EVI5: variants seen among roughly 807,000 people sequenced by gnomAD.
The protein encoded by EVI5 is ecotropic viral integration site 5.
Under a neutral mutation model 112.0 loss-of-function variants are expected in EVI5, and 73 were observed. The ratio of observed to expected loss-of-function variants is 0.65; its 90% CI spans 0.54 to 0.79. EVI5 has a LOEUF of 0.79. Ranked by LOEUF, EVI5 falls within the 30% of genes least tolerant of loss-of-function variation. The pLI is 0.00. For synonymous variants in EVI5, 305 were observed against 319.9 expected, an observed-to-expected ratio of 0.95 and a Z score of 0.50; for missense variants, 900 against 968.8, an observed-to-expected ratio of 0.93 and a Z score of 0.94.
At chr1:92,668,873 A>T (rs1472721900) in intron 10 of EVI5, among the ~76,000 whole-genome samples, 1 of 152,224 alleles carries the variant, frequency 6.6e-6, no homozygotes, top group African/African-American at 2.4e-5. Context: ...AGTAGAGCTA[A>T]TATCCCCTGT....
At chr1:92,574,129 T>C (rs932104474) in intron 18 of EVI5, among the ~76,000 whole-genome samples, 1 of 152,134 alleles carries the variant, frequency 6.6e-6, no homozygotes, top group Non-Finnish European at 1.5e-5. Context: ...ACCTGGATTG[T>C]TTGATAACGA....
chr1:92,551,040 C>CTTT (rs55898086), intron 19 of EVI5, among the ~76,000 whole-genome samples: 40,419 of 80,028 alleles, frequency 0.51, 11,267 homozygotes, highest in South Asian at 0.71. Flanking sequence ...TTCTTTCTTT[C>CTTT]TTTTTTTTTT....
chr1:92,766,933 T>C (rs1194109729), intron 1 of EVI5, among the ~76,000 whole-genome samples: 1 of 151,904 alleles, frequency 6.6e-6, no homozygotes, highest in Non-Finnish European at 1.5e-5. Flanking sequence ...AATACAAAAA[T>C]TAGCTGGGCG....
chr1:92,595,662 T>C (rs926128312), intron 18 of EVI5, among the ~76,000 whole-genome samples: 11 of 152,206 alleles, frequency 7.2e-5, no homozygotes, highest in African/African-American at 1.9e-4. Flanking sequence ...TGAAGGATTC[T>C]TAACTGGTAT....
chr1:92,696,393 C>T (rs1177256218), intron 6 of EVI5, among the ~76,000 whole-genome samples: 2 of 152,036 alleles, frequency 1.3e-5, no homozygotes, highest in Non-Finnish European at 2.9e-5. Context: ...ATAGGAAGAT[C>T]ACTTGAGCTC....
intron 9 of EVI5, among the ~76,000 whole-genome samples, chr1:92,687,138 T>A (rs1668683823): frequency 6.6e-6 from 1 of 152,108 alleles, no homozygotes; most frequent in Non-Finnish European, 1.5e-5. Flanking sequence ...GACTTCAAAC[T>A]ATACTACAAG....
intron 19 of EVI5, among the ~76,000 whole-genome samples, chr1:92,550,746 C>CAA (rs1164076965): frequency 4.4e-4 from 2 of 4,518 alleles, no homozygotes; most frequent in Non-Finnish European, 7.8e-4. Flanking sequence ...GACTCCGTCT[C>CAA]AAAAAAAAAA....
intron 19 of EVI5, among the ~76,000 whole-genome samples, chr1:92,529,768 G>C (rs934653585): frequency 6.6e-6 from 1 of 151,678 alleles, no homozygotes; most frequent in Non-Finnish European, 1.5e-5. Flanking sequence ...GTCTTTTTTT[G>C]TTTTCTAGTA....
chr1:92,607,669 T>C lies in EVI5; in HGVS notation c.1886A>G (p.Glu629Gly). 6.2e-7 allele frequency: 1 copy of C among 1,607,118 alleles called. No individual in the cohort carries two copies. Among genetic ancestry groups the C allele is most frequent in the Non-Finnish European group, 8.5e-7 (1 of 1,176,498 alleles). The change falls in exon 17 of 20, where the codon GAG becomes GGG. Residue 629 changes from glutamate (E) to glycine (G), a missense_variant. Glu to Gly is a moderately conservative substitution (Grantham distance 98). Transcript: ENST00000684568. ...RAEQEVISLQEKVQYLSAQNK... is the reference protein window; with the variant it reads ...RAEQEVISLQGKVQYLSAQNK... Reference sequence around the variant, plus strand: ...CTGTGCAGAAAGATACTGCACTTTCTCCTGTAGGCTAATCACCTCTTGTTC... The same window carrying C: ...CTGTGCAGAAAGATACTGCACTTTCCCCTGTAGGCTAATCACCTCTTGTTC...
chr1:92,514,542 GAGACTCAGGA>G (rs1347071877), intron 19 of EVI5, among the ~76,000 whole-genome samples: 1 of 152,164 alleles, frequency 6.6e-6, no homozygotes, highest in Non-Finnish European at 1.5e-5. Flanking sequence ...TTAGGAAATG[GAGACTCAGGA>G]AGAGTAACTT....
intron 9 of EVI5, among the ~76,000 whole-genome samples, chr1:92,687,370 A>T (rs533101983): frequency 5.3e-5 from 8 of 152,200 alleles, no homozygotes; most frequent in Non-Finnish European, 1.2e-4. Flanking sequence ...CCTTCCTCAC[A>T]CCTTATACAA....
At chr1:92,589,530 T>C (rs2101222747) in intron 18 of EVI5, among the ~76,000 whole-genome samples, 1 of 152,208 alleles carries the variant, frequency 6.6e-6, no homozygotes, top group South Asian at 2.1e-4. Context: ...AGCACAGCAG[T>C]CTGAGATCAA....
At chr1:92,634,661 A>G (rs931764349) in intron 14 of EVI5, among the ~76,000 whole-genome samples, 2 of 152,112 alleles carry the variant, frequency 1.3e-5, no homozygotes, top group Admixed American at 6.6e-5. Flanking sequence ...GGTCGTCTGA[A>G]GCCTTCTTCT....
At chr1:92,784,025 C>A (rs553969952) in intron 1 of EVI5, among the ~76,000 whole-genome samples, 1 of 152,010 alleles carries the variant, frequency 6.6e-6, no homozygotes, top group African/African-American at 2.4e-5. Context: ...ACACTGTAAC[C>A]CAAAGAAAAG....
At chr1:92,588,172 C>A (rs1361237189) in intron 18 of EVI5, among the ~76,000 whole-genome samples, 1 of 152,168 alleles carries the variant, frequency 6.6e-6, no homozygotes, top group Non-Finnish European at 1.5e-5. Context: ...TGAATTCTTA[C>A]AAGTATTTTT....
chr1:92,620,697 C>T (rs1654354114), intron 16 of EVI5, among the ~76,000 whole-genome samples: 1 of 151,972 alleles, frequency 6.6e-6, no homozygotes, highest in Admixed American at 6.6e-5. Flanking sequence ...AAGAAATAAA[C>T]ATTTTATCAA....
chr1:92,561,643 ATCT>A, intron 19 of EVI5, among the ~76,000 whole-genome samples: 1 of 148,392 alleles, frequency 6.7e-6, no homozygotes, highest in Admixed American at 6.9e-5. Flanking sequence ...CTATCTATCT[ATCT>A]ATCTATCTAT....
At chr1:92,675,570 G>A (rs766020435) in intron 10 of EVI5, among the ~76,000 whole-genome samples, 4 of 151,806 alleles carry the variant, frequency 2.6e-5, no homozygotes, top group African/African-American at 9.7e-5. Context: ...CCGAATATTC[G>A]TAGTATGTGA....
At chr1:92,621,622 T>C (rs915570317) in intron 16 of EVI5, among the ~76,000 whole-genome samples, 11 of 152,304 alleles carry the variant, frequency 7.2e-5, no homozygotes, top group African/African-American at 2.6e-4. Context: ...CCAGTTTTTA[T>C]AGCTTTATTG....
Sources: allele counts gnomAD v4.1 joint callset (sites outside exome capture counted in the v4.1 genomes callset), GRCh38; gene constraint gnomAD v4.1.1; transcripts MANE v1.5; gene names NCBI Gene and HGNC (gene_info 2026-07-23, HGNC 2026-07-21).